Variants in CFAP141 observed in about 807,000 individuals in gnomAD.
CFAP141 encodes cilia- and flagella-associated protein 141.
the CFAP141 span, chr1:154,199,397 G>T: frequency 6.8e-7 from 1 of 1,465,886 alleles, no homozygotes; most frequent in South Asian, 1.2e-5. Context: ...CAGGCATGTT[G>T]AGAATGGAAG....
chr1:154,206,257 C>G, the CFAP141 span: 2 of 1,613,346 alleles, frequency 1.2e-6, no homozygotes, highest in African/African-American at 1.3e-5. Flanking sequence ...CCCAGCCCCT[C>G]CTTCCAACTC....
chr1:154,200,482 G>A, the CFAP141 span: 1 of 1,614,174 alleles, frequency 6.2e-7, no homozygotes, highest in Non-Finnish European at 8.5e-7. Flanking sequence ...TTTTTGGCCA[G>A]TGCCAATTCC....
chr1:154,199,215 CTTG>C, the CFAP141 span, among the ~76,000 whole-genome samples: 1 of 151,970 alleles, frequency 6.6e-6, no homozygotes, highest in Non-Finnish European at 1.5e-5. Context: ...AGGCGTCACT[CTTG>C]TTGTTACTGT....
chr1:154,201,928 G>A, the CFAP141 span, among the ~76,000 whole-genome samples: 3 of 150,590 alleles, frequency 2.0e-5, no homozygotes, highest in Non-Finnish European at 4.4e-5. Context: ...CCACCACCAC[G>A]CCCAGGTAAT....
chr1:154,205,548 A>T, the CFAP141 span: 3 of 1,553,974 alleles, frequency 1.9e-6, no homozygotes, highest in Non-Finnish European at 2.7e-6. Context: ...AAGACAGCAG[A>T]GTGGAAAGGT....
chr1:154,206,262 C>T, the CFAP141 span: 1 of 1,613,798 alleles, frequency 6.2e-7, no homozygotes, highest in Non-Finnish European at 8.5e-7. Context: ...CCCCTCCTTC[C>T]AACTCTGCAT....
At chr1:154,206,326 TAC>T in the CFAP141 span, 3 of 1,613,508 alleles carry the variant, frequency 1.9e-6, no homozygotes, top group Non-Finnish European at 1.7e-6. Flanking sequence ...ATTTGCTTGA[TAC>T]AGTCTGAGGA....
At chr1:154,199,910 G>A in the CFAP141 span, among the ~76,000 whole-genome samples, 2 of 152,084 alleles carry the variant, frequency 1.3e-5, no homozygotes, top group Non-Finnish European at 2.9e-5. Context: ...CAAGTCTTAC[G>A]TTGTAGCCCA....
chr1:154,200,331 T>TA, the CFAP141 span: 1 of 952,270 alleles, frequency 1.1e-6, no homozygotes, highest in Non-Finnish European at 1.6e-6. Context: ...TGCTCTGGTG[T>TA]AATGCTGAAA....
the CFAP141 span, among the ~76,000 whole-genome samples, chr1:154,205,336 G>T: frequency 6.6e-6 from 1 of 152,120 alleles, no homozygotes; most frequent in East Asian, 1.9e-4. Context: ...GATAAAAAAA[G>T]AAAATAAAAA....
chr1:154,203,207 A>ACTTTG, the CFAP141 span, among the ~76,000 whole-genome samples: 1 of 62,866 alleles, frequency 1.6e-5, no homozygotes, highest in Non-Finnish European at 3.3e-5. Flanking sequence ...ATATATATAT[A>ACTTTG]TATATATATA....
At chr1:154,203,233 A>G in the CFAP141 span, among the ~76,000 whole-genome samples, 2 of 43,638 alleles carry the variant, frequency 4.6e-5, no homozygotes, top group Non-Finnish European at 8.4e-5. Context: ...ATATATATAT[A>G]TACTTTGTTG....
chr1:154,200,601 C>G, the CFAP141 span: 2 of 1,613,610 alleles, frequency 1.2e-6, no homozygotes, highest in Non-Finnish European at 1.7e-6. Context: ...GCTCCAGGTA[C>G]AGAGGTGGGG....
the CFAP141 span, among the ~76,000 whole-genome samples, chr1:154,205,891 T>C: frequency 6.6e-6 from 1 of 152,166 alleles, no homozygotes; most frequent in Admixed American, 6.6e-5. Context: ...TTAGTAGAGA[T>C]GGGGTTTCTC....
At chr1:154,203,878 C>T in the CFAP141 span, among the ~76,000 whole-genome samples, 286 of 152,228 alleles carry the variant, frequency 1.9e-3, 1 homozygote, top group African/African-American at 6.7e-3. Context: ...GGTTTGAGAA[C>T]AGCCTGGCCA....
At chr1:154,199,530 T>C in the CFAP141 span, 1 of 1,601,048 alleles carries the variant, frequency 6.2e-7, no homozygotes, top group African/African-American at 1.3e-5. Flanking sequence ...TTGACGGACC[T>C]GGTGGAGAGG....
At chr1:154,203,557 T>C in the CFAP141 span, among the ~76,000 whole-genome samples, 1 of 151,920 alleles carries the variant, frequency 6.6e-6, no homozygotes, top group East Asian at 2.0e-4. Flanking sequence ...GCTGTCTAAA[T>C]AGCCAGGACA....
At chr1:154,200,705 A>G in the CFAP141 span, 1 of 1,185,548 alleles carries the variant, frequency 8.4e-7, no homozygotes, top group African/African-American at 1.5e-5. Context: ...TTTTTGAGAC[A>G]GAGTTTCACT....
chr1:154,200,433 C>T, the CFAP141 span: 10 of 1,612,600 alleles, frequency 6.2e-6, no homozygotes, highest in East Asian at 2.2e-4. Flanking sequence ...GTGAATGAGA[C>T]TTCAGGTTGC....
Sources: allele counts gnomAD v4.1 joint callset (sites outside exome capture counted in the v4.1 genomes callset), GRCh38; gene constraint gnomAD v4.1.1; transcripts MANE v1.5; gene names NCBI Gene and HGNC (gene_info 2026-07-23, HGNC 2026-07-21).